Variants in ROBO1 observed in about 807,000 individuals in gnomAD.
ROBO1 encodes the protein roundabout guidance receptor 1.
A neutral mutation model predicts 195.9 loss-of-function variants in ROBO1; 149 were observed. The ratio of observed to expected loss-of-function variants is 0.76; its 90% CI spans 0.67 to 0.87. The LOEUF (loss-of-function observed/expected upper bound fraction) is 0.87, where lower values mean the gene tolerates loss of function less well. Ranked by LOEUF, ROBO1 falls within the 40% of genes least tolerant of loss-of-function variation. ROBO1 has a pLI of 0.00. For missense variants in ROBO1, 1,933 were observed against 2,068.3 expected (o/e 0.93, Z 1.27); for synonymous variants, 816 against 733.2 (o/e 1.11, Z -1.82).
At chr3:78,732,546 C>A (rs904127435) in intron 5 of ROBO1, among the ~76,000 whole-genome samples, 3 of 152,144 alleles carry the variant, frequency 2.0e-5, no homozygotes, top group Admixed American at 1.3e-4. Context: ...TGCTTATTAT[C>A]ATGAATGTTT....
intron 2 of ROBO1, among the ~76,000 whole-genome samples, chr3:79,404,648 G>A (rs1238560796): frequency 6.6e-6 from 1 of 152,042 alleles, no homozygotes; most frequent in East Asian, 1.9e-4. Context: ...GTTAAACCTG[G>A]TTTTCTGAAC....
chr3:78,986,933 G>A (rs1240852270), intron 3 of ROBO1, among the ~76,000 whole-genome samples: 1 of 152,060 alleles, frequency 6.6e-6, no homozygotes, highest in Non-Finnish European at 1.5e-5. Context: ...ATTTTACTAG[G>A]TATAGAGAAT....
intron 8 of ROBO1, among the ~76,000 whole-genome samples, chr3:78,690,279 T>C: frequency 7.4e-6 from 1 of 135,372 alleles, no homozygotes; most frequent in East Asian, 2.1e-4. Flanking sequence ...TTTTCTATAC[T>C]CTTTTTTTTT....
chr3:78,706,213 G>C (rs2081548042), intron 8 of ROBO1, among the ~76,000 whole-genome samples: 1 of 152,004 alleles, frequency 6.6e-6, no homozygotes, highest in Non-Finnish European at 1.5e-5. Flanking sequence ...TCAAGAATAG[G>C]AGTAACTAGC....
At chr3:78,678,932 T>C (rs1015658431) in intron 10 of ROBO1, among the ~76,000 whole-genome samples, 12 of 152,092 alleles carry the variant, frequency 7.9e-5, no homozygotes, top group African/African-American at 2.9e-4. Context: ...CTCAATAAAA[T>C]ACTGGCAAAC....
intron 1 of ROBO1, among the ~76,000 whole-genome samples, chr3:79,736,357 A>C (rs775170971): frequency 2.6e-5 from 4 of 152,232 alleles, no homozygotes; most frequent in Non-Finnish European, 4.4e-5. Context: ...AATGGTAAGA[A>C]GTTTGCATCT....
intron 2 of ROBO1, among the ~76,000 whole-genome samples, chr3:79,439,689 CT>C (rs1285058239): frequency 1.3e-5 from 2 of 152,062 alleles, no homozygotes; most frequent in African/African-American, 4.8e-5. Context: ...AAATTTATCT[CT>C]TTTACCGCAA....
intron 1 of ROBO1, among the ~76,000 whole-genome samples, chr3:79,631,513 GA>G (rs1212779733): frequency 2.6e-5 from 4 of 151,912 alleles, no homozygotes; most frequent in Non-Finnish European, 1.5e-5. Flanking sequence ...TTAATTATAA[GA>G]CCTGAAGTTA....
intron 3 of ROBO1, among the ~76,000 whole-genome samples, chr3:79,044,973 CT>C (rs2078563357): frequency 6.6e-6 from 1 of 151,876 alleles, no homozygotes; most frequent in Non-Finnish European, 1.5e-5. Context: ...TATTGCACCC[CT>C]GGCTGAAACA....
intron 2 of ROBO1, among the ~76,000 whole-genome samples, chr3:79,264,070 T>C (rs1283526988): frequency 1.3e-5 from 2 of 152,008 alleles, no homozygotes; most frequent in African/African-American, 2.4e-5. Flanking sequence ...ACATGCCCTA[T>C]TGGAAATAAC....
intron 2 of ROBO1, among the ~76,000 whole-genome samples, chr3:79,292,196 G>C (rs2032292238): frequency 2.0e-5 from 3 of 152,124 alleles, no homozygotes; most frequent in Non-Finnish European, 2.9e-5. Flanking sequence ...TTGGTGTATA[G>C]GAAAGTCTGT....
At chr3:78,727,560 G>A (rs2082194724) in intron 5 of ROBO1, among the ~76,000 whole-genome samples, 1 of 152,146 alleles carries the variant, frequency 6.6e-6, no homozygotes, top group Non-Finnish European at 1.5e-5. Context: ...AGGAGGCGGA[G>A]CTTGCAGTGA....
intron 2 of ROBO1, among the ~76,000 whole-genome samples, chr3:79,142,706 A>C (rs898414969): frequency 6.6e-6 from 1 of 151,880 alleles, no homozygotes; most frequent in Non-Finnish European, 1.5e-5. Context: ...AGTAACTAAT[A>C]CTCTTTCCAT....
intron 3 of ROBO1, among the ~76,000 whole-genome samples, chr3:79,020,516 A>AC (rs1214592561): frequency 1.3e-5 from 2 of 151,994 alleles, no homozygotes; most frequent in African/African-American, 4.8e-5. Context: ...ATATGGTGAA[A>AC]CCCCGTCTCT....
At chr3:79,326,227 C>A (rs1213311805) in intron 2 of ROBO1, among the ~76,000 whole-genome samples, 1 of 152,152 alleles carries the variant, frequency 6.6e-6, no homozygotes, top group Non-Finnish European at 1.5e-5. Context: ...TGTGAACTCG[C>A]CCTGCCTCCA....
At chr3:78,962,669 C>T (rs554165019) in intron 3 of ROBO1, among the ~76,000 whole-genome samples, 54 of 151,740 alleles carry the variant, frequency 3.6e-4, no homozygotes, top group African/African-American at 1.3e-3. Flanking sequence ...ACTAAAAATA[C>T]AAAAAATTAG....
At chr3:78,628,697 C>A (rs1704982658) in intron 25 of ROBO1, among the ~76,000 whole-genome samples, 2 of 152,124 alleles carry the variant, frequency 1.3e-5, no homozygotes, top group Non-Finnish European at 2.9e-5. Flanking sequence ...CTCACTATCT[C>A]CCTCTTTGCC....
At position 78,635,802 on chromosome 3, in the gene ROBO1, T is replaced by C; in HGVS notation, c.3344A>G (p.Asn1115Ser). The C allele has an allele frequency of 6.2e-7, 1 of 1,613,846 alleles. No homozygotes were observed. The highest frequency in any genetic ancestry group is 8.5e-7 in the Non-Finnish European group (1 of 1,179,808). The stretch of plus-strand genomic sequence containing the variant: ...GTTCAGCTTGTTTTGCTCCACGATG[T>C]TGTACTGAACTGGTGCCACTTCTTG... ...QKQEVAPVQY[N>S]IVEQNKLNKD... The change falls in exon 23 of 31, where the codon AAC becomes AGC. Residue 1115 changes from asparagine to serine, a missense_variant. Asn to Ser is a conservative substitution (Grantham distance 46, BLOSUM62 1). Around this residue, in one of 3 missense-constraint regions of ROBO1, gnomAD observed 1,737 missense variants for 1,882.5 expected, o/e 0.92. Transcript: ENST00000464233.
chr3:79,469,950 G>A (rs925172505), intron 2 of ROBO1, among the ~76,000 whole-genome samples: 2 of 152,108 alleles, frequency 1.3e-5, no homozygotes, highest in African/African-American at 4.8e-5. Context: ...ATGGAGAAGT[G>A]GCTGAGAAGG....
Sources: allele counts gnomAD v4.1 joint callset (sites outside exome capture counted in the v4.1 genomes callset), GRCh38; gene constraint gnomAD v4.1.1; regional missense constraint gnomAD v4.1.1; transcripts MANE v1.5; gene names NCBI Gene and HGNC (gene_info 2026-07-23, HGNC 2026-07-21).